SPPL2B: variants seen among roughly 807,000 people sequenced by gnomAD.
SPPL2B encodes the protein signal peptide peptidase like 2B.
SPPL2B carries 39 observed loss-of-function variants against 59.7 expected under a neutral mutation model. That is an observed-to-expected ratio of 0.65 (90% CI 0.51 to 0.85). SPPL2B has a LOEUF of 0.85. Ranked by LOEUF, SPPL2B falls within the 40% of genes least tolerant of loss-of-function variation. SPPL2B has a pLI of 0.00. For synonymous variants in SPPL2B, 419 were observed against 370.8 expected (o/e 1.13, Z -1.49); for missense variants, 865 against 849.0 (o/e 1.02, Z -0.23).
chr19:2,340,930 A>G lies in SPPL2B; in HGVS notation c.872A>G (p.Lys291Arg). 1 of 1,600,724 alleles carries G rather than the reference A, an allele frequency of 6.2e-7. No individual in the cohort carries two copies. Among genetic ancestry groups the G allele is most frequent in the Non-Finnish European group, 8.5e-7 (1 of 1,178,578 alleles). ...AACAACAGCCTGCCCTACTTCCACA[A>G]GCGCCCGCAGGCCCGTATGCTGCTC... ...IPNNSLPYFH[K>R]RPQARMLLLA... Residue 291 changes from lysine (K) to arginine (R), a missense_variant, in exon 8 of 15, where the codon AAG becomes AGG. Coordinates refer to ENST00000613503, the MANE Select transcript of SPPL2B (RefSeq NM_152988.3).
Position 2,341,028 on chromosome 19 carries a change from C to T in SPPL2B, c.956+14C>T, listed in dbSNP as rs752036586. ...CAACGAGGACCAGTAAGTGCTGCTT[C>T]CCCCGGGCCCCGGCGGGCAGCGGAG... On this transcript the variant is annotated intron_variant, in intron 8 of 14. Coordinates refer to ENST00000613503, the MANE Select transcript of SPPL2B (RefSeq NM_152988.3). The T allele has an allele frequency of 1.3e-5, 21 of 1,585,098 alleles. No individual in the cohort carries two copies. In the East Asian group the frequency reaches 2.2e-4, roughly 17 times the overall value.
chr19:2,351,370 C>T (rs957935233), intron 13 of SPPL2B, 64 bp from the exon 14 acceptor site: 1 of 1,377,204 alleles, frequency 7.3e-7, no homozygotes, highest in African/African-American at 1.4e-5. Context: ...TCACGTTCTT[C>T]CCAGGGAAAT....
At chr19:2,339,578 A>G in intron 5 of SPPL2B, 1 of 597,454 alleles carries the variant, frequency 1.7e-6, no homozygotes. Flanking sequence ...TGCTGCCCAC[A>G]CGCCAGCCTC....
intron 2 of SPPL2B, 138 bp from the exon 3 acceptor site, chr19:2,337,305 A>G (rs1258710460): frequency 1.3e-6 from 1 of 754,578 alleles, no homozygotes; most frequent in Non-Finnish European, 2.1e-6. Context: ...GGCTCTGCCT[A>G]GGTGGGCCGA....
chr19:2,347,467 T>G (rs1969483722), intron 13 of SPPL2B, among the ~76,000 whole-genome samples: 2 of 44,674 alleles, frequency 4.5e-5, no homozygotes, highest in African/African-American at 1.1e-4. Context: ...TTCGCCTGAT[T>G]CCGTTCTCTC....
intron 12 of SPPL2B, 142 bp downstream of exon 12, chr19:2,344,794 G>A (rs927951840): frequency 5.6e-5 from 37 of 661,822 alleles, no homozygotes; most frequent in Non-Finnish European, 7.8e-5. Context: ...GGTTGGGGCC[G>A]TTGAGGCCTG....
At chr19:2,337,354 C>T (rs1968710028) in intron 2 of SPPL2B, 89 bp from the exon 3 acceptor site, 2 of 1,286,854 alleles carry the variant, frequency 1.6e-6, no homozygotes, top group Middle Eastern at 2.0e-4. Flanking sequence ...GGATCTAACT[C>T]AGCGCAGGCT....
intron 2 of SPPL2B, among the ~76,000 whole-genome samples, chr19:2,336,603 T>C (rs1968633177): frequency 6.6e-6 from 1 of 151,818 alleles, no homozygotes; most frequent in South Asian, 2.1e-4. Context: ...TGTGCTTGTA[T>C]ATGCACACGT....
intron 13 of SPPL2B, among the ~76,000 whole-genome samples, chr19:2,347,362 A>ACT (rs1391226559): frequency 9.3e-5 from 3 of 32,258 alleles, no homozygotes; most frequent in Non-Finnish European, 1.8e-4. Flanking sequence ...CTCCACACAC[A>ACT]CACACTCTCA....
intron 8 of SPPL2B, 179 bp downstream of exon 8, chr19:2,341,193 C>T (rs772169461): frequency 2.9e-6 from 2 of 694,432 alleles, no homozygotes; most frequent in Admixed American, 2.0e-5. Context: ...GGCGTTTCAC[C>T]TGGGGTTTGT....
rs1244559345 is a variant in SPPL2B at position 2,353,451 on chromosome 19, G to A, written c.*242G>A. 2.4e-5 allele frequency: 13 copies of A among 531,224 alleles called. No homozygotes were observed. The highest frequency in any genetic ancestry group is 1.0e-4 in the East Asian group (3 of 29,812). 32.9% of individuals were successfully genotyped at this position (531,224 alleles called of 1,614,324 possible). ...CGCCCGGCTGCCACAAGCTCTCTGCGGGTCCATCCTCCCCACCGGGGTCCG... is the reference window on the plus strand; with the variant it reads ...CGCCCGGCTGCCACAAGCTCTCTGCAGGTCCATCCTCCCCACCGGGGTCCG... On this transcript the variant is annotated 3_prime_UTR_variant, in exon 15 of 15. Transcript: ENST00000613503.
At chr19:2,351,628 C>A in intron 14 of SPPL2B, 34 bp downstream of exon 14, 1 of 1,586,066 alleles carries the variant, frequency 6.3e-7, no homozygotes. Context: ...GTGAGAAATA[C>A]TCGCCTAGTG....
chr19:2,352,174 A>C (rs967829499), intron 14 of SPPL2B, among the ~76,000 whole-genome samples: 3 of 152,024 alleles, frequency 2.0e-5, no homozygotes, highest in Non-Finnish European at 2.9e-5. Flanking sequence ...TGTGAACAGG[A>C]GTGGGTGGGA....
chr19:2,343,035 T>C lies in SPPL2B; in HGVS notation c.957-176T>C, dbSNP rs1208304699. The C allele has an allele frequency of 1.8e-5, 11 of 609,772 alleles. No individual in the cohort carries two copies. The Admixed American group carries it at 2.9e-4, about 16-fold the overall frequency. The allele number at this position is 609,772 out of a possible 1,614,324, so 37.8% of individuals were successfully genotyped here. A position where few individuals can be genotyped will look rare whatever the true frequency, so the allele number is the denominator to read the frequency against. On this transcript the variant is annotated intron_variant, in intron 8 of 14. Transcript: ENST00000613503. ...TGTGCCGCCAGCCCTGCTGGAGTTG[T>C]AACAGCAGGGGTCCTCCCACAGGTC...
In SPPL2B at chr19:2,343,575, C is replaced by T. The variant is rs568164993; in HGVS notation, c.1038+283C>T. Among the ~76,000 whole-genome samples, 15 of 152,236 alleles carry T rather than the reference C, an allele frequency of 9.9e-5. No homozygotes were observed. The South Asian group carries it at 3.1e-3, about 32-fold the overall frequency. On this transcript the variant is annotated intron_variant, in intron 9 of 14. Coordinates refer to ENST00000613503, the MANE Select transcript of SPPL2B (RefSeq NM_152988.3). ...GGTTGAATAGGGCTGGAGGAACTGGCCTCAGGTGGTACCGGGAGTGCGGGG... is the reference window on the plus strand; with the variant it reads ...GGTTGAATAGGGCTGGAGGAACTGGTCTCAGGTGGTACCGGGAGTGCGGGG...
intron 2 of SPPL2B, 104 bp downstream of exon 2, chr19:2,334,825 G>A: frequency 2.2e-6 from 3 of 1,391,756 alleles, no homozygotes; most frequent in Non-Finnish European, 2.8e-6. Context: ...AGAGGCGAGA[G>A]GCAGGCCCTG....
intron 8 of SPPL2B, 53 bp downstream of exon 8, chr19:2,341,067 C>CG: frequency 7.7e-7 from 1 of 1,299,330 alleles, no homozygotes; most frequent in Non-Finnish European, 1.1e-6. Flanking sequence ...TCGGGTGCAC[C>CG]AGGGCTCCTG....
intron 7 of SPPL2B, chr19:2,340,373 C>G: frequency 1.6e-6 from 1 of 606,942 alleles, no homozygotes; most frequent in Non-Finnish European, 2.9e-6. Flanking sequence ...AGCAGCCAGG[C>G]GCCAGGGGTG....
rs372520431 is a variant in SPPL2B, at chr19:2,339,258, A to C, written c.599+50A>C. 18 of 1,561,830 alleles carry C rather than the reference A, an allele frequency of 1.2e-5. No homozygotes were observed. The African/African-American group carries it at 2.2e-4, about 19-fold the overall frequency. ...TGTGACGGGGTCGGGCGGCTCTGAC[A>C]CGGGCCGGGACGGCCAGTCTTCCAG... On this transcript the variant is annotated intron_variant, in intron 5 of 14. Coordinates refer to ENST00000613503, the MANE Select transcript of SPPL2B (RefSeq NM_152988.3).
Sources: allele counts gnomAD v4.1 joint callset (sites outside exome capture counted in the v4.1 genomes callset), GRCh38; gene constraint gnomAD v4.1.1; transcripts MANE v1.5; gene names NCBI Gene and HGNC (gene_info 2026-07-23, HGNC 2026-07-21).